TSKU: variants seen among roughly 807,000 people sequenced by gnomAD.
TSKU encodes tsukushi, small leucine rich proteoglycan, also known as tsukushi.
A neutral mutation model predicts 11.2 loss-of-function variants in TSKU; 4 were observed. That is an observed-to-expected ratio of 0.36 (90% CI 0.18 to 0.82). The LOEUF is 0.82. Among genes scored for constraint, TSKU ranks in the 40% least tolerant of loss-of-function variants. TSKU has a pLI of 0.50. For synonymous variants in TSKU, 220 were observed against 232.2 expected (o/e 0.95, Z 0.48); for missense variants, 407 against 482.5 (o/e 0.84, Z 1.47).
At chr11:76,793,948 C>T (rs535178880) in intron 1 of TSKU, among the ~76,000 whole-genome samples, 2 of 152,238 alleles carry the variant, frequency 1.3e-5, no homozygotes, top group African/African-American at 4.8e-5. Context: ...CTGCTGCTCC[C>T]TCCCACCCAC....
chr11:76,795,752 G>T lies in TSKU; in HGVS notation c.136G>T (p.Gly46Cys). The change falls in exon 2 of 2, where the codon GGC (glycine) becomes TGC (cysteine). Residue 46 changes from glycine (G) to cysteine (C), a missense_variant. Gly to Cys is a radical substitution (Grantham distance 159). Transcript: ENST00000333090. ...SFSLTRVDCS[G>C]LGPHIMPVPI... ...CAGCCTGACTCGGGTGGATTGTAGC[G>T]GCCTGGGCCCCCACATCATGCCGGT... 6.2e-7 allele frequency: 1 copy of T among 1,614,160 alleles called. No homozygotes were observed. The highest frequency in any genetic ancestry group is 8.5e-7 in the Non-Finnish European group (1 of 1,180,042).
At position 76,797,269 on chromosome 11, in the gene TSKU, T is replaced by G. The variant is rs1403577931; in HGVS notation, c.*591T>G. 2 of 167,146 alleles carry G rather than the reference T, an allele frequency of 1.2e-5. No homozygotes were observed. The highest frequency in any genetic ancestry group is 4.8e-5 in the African/African-American group (2 of 41,446). 10.4% of individuals were successfully genotyped at this position (167,146 alleles called of 1,614,324 possible). A position where few individuals can be genotyped will look rare whatever the true frequency, so the allele number is the denominator to read the frequency against. ...GCCTTGAGAAGGAAAAAGGCTAATC[T>G]AAGTTCCTGCGGGCAGTGGCATGAC... On this transcript the variant is annotated 3_prime_UTR_variant, in exon 2 of 2. Transcript: ENST00000333090.
chr11:76,790,676 G>A (rs181727857), intron 1 of TSKU, among the ~76,000 whole-genome samples: 188 of 152,202 alleles, frequency 1.2e-3, no homozygotes, highest in African/African-American at 4.3e-3. Context: ...TTTGCCCTCC[G>A]CCATGATTGT....
chr11:76,783,905 C>G (rs925446531), intron 1 of TSKU, among the ~76,000 whole-genome samples: 1 of 151,902 alleles, frequency 6.6e-6, no homozygotes, highest in Non-Finnish European at 1.5e-5. Flanking sequence ...CGCCGCCCCA[C>G]CCCCCCGCTC....
At chr11:76,785,211 C>T (rs1249043681) in intron 1 of TSKU, among the ~76,000 whole-genome samples, 1 of 152,174 alleles carries the variant, frequency 6.6e-6, no homozygotes, top group Non-Finnish European at 1.5e-5. Flanking sequence ...GGGGATTGAC[C>T]TTTTCTCCTC....
chr11:76,796,208 G>A lies in TSKU; in HGVS notation c.592G>A (p.Ala198Thr). 6.2e-7 allele frequency: 1 copy of A among 1,613,602 alleles called. No individual in the cohort carries two copies. Among genetic ancestry groups the A allele is most frequent in the Non-Finnish European group, 8.5e-7 (1 of 1,179,998 alleles). Reference sequence around the variant, plus strand: ...GAACCTGGCCTGGAACCGGCTCCATGCCGTGCCCAACCTCCGAGACTTGCC... The same window carrying A: ...GAACCTGGCCTGGAACCGGCTCCATACCGTGCCCAACCTCCGAGACTTGCC... The part of the protein sequence containing the change: ...SLNLAWNRLH[A>T]VPNLRDLPLR... The change falls in exon 2 of 2, where the codon GCC becomes ACC. Residue 198 changes from alanine to threonine, a missense_variant. Coordinates refer to ENST00000333090, the MANE Select transcript of TSKU (RefSeq NM_015516.4). This position sits in a 1 kb window ranked among gnomAD's most constrained non-coding sequence, Gnocchi z 4.1.
chr11:76,789,876 G>T (rs1944348686), intron 1 of TSKU, among the ~76,000 whole-genome samples: 1 of 152,086 alleles, frequency 6.6e-6, no homozygotes, highest in Non-Finnish European at 1.5e-5. Context: ...AACAGGGAAG[G>T]TCACACAGAT....
chr11:76,786,735 C>G (rs1944316278), intron 1 of TSKU, among the ~76,000 whole-genome samples: 1 of 152,186 alleles, frequency 6.6e-6, no homozygotes, highest in Admixed American at 6.5e-5. Context: ...GAATTTGATG[C>G]TGAGCCCTCA....
chr11:76,790,705 G>A (rs953340546), intron 1 of TSKU, among the ~76,000 whole-genome samples: 2 of 152,142 alleles, frequency 1.3e-5, no homozygotes, highest in Non-Finnish European at 2.9e-5. Context: ...CCCCGGCCAC[G>A]TGGAATTGTT....
chr11:76,796,144 C>T lies in TSKU; in HGVS notation c.528C>T (p.Pro176=), dbSNP rs1358772274. The T allele has an allele frequency of 1.2e-6, 2 of 1,613,778 alleles. No homozygotes were observed. Among genetic ancestry groups the T allele is most frequent in the African/African-American group, 1.3e-5 (1 of 75,062 alleles). ...HNLIHRLVPH[P]TRAGLPAPTI... ...TCATTCACCGCCTCGTGCCCCACCC[C>T]ACGAGGGCCGGCCTGCCTGCGCCCA... The change falls in exon 2 of 2, where the codon CCC becomes CCT. Residue 176 remains proline (P), a synonymous_variant. Coordinates refer to ENST00000333090, the MANE Select transcript of TSKU (RefSeq NM_015516.4). This position sits in a 1 kb window ranked among gnomAD's most constrained non-coding sequence, Gnocchi z 4.1.
At chr11:76,790,510 G>A (rs1350479600) in intron 1 of TSKU, among the ~76,000 whole-genome samples, 7 of 143,482 alleles carry the variant, frequency 4.9e-5, no homozygotes, top group African/African-American at 1.9e-4. Flanking sequence ...CATGACTTCT[G>A]ATATGGTTTG....
intron 1 of TSKU, among the ~76,000 whole-genome samples, chr11:76,790,146 C>T (rs1944351469): frequency 6.6e-6 from 1 of 151,492 alleles, no homozygotes; most frequent in Non-Finnish European, 1.5e-5. Flanking sequence ...GTTGGATTAT[C>T]TAAACTGAAC....
chr11:76,792,807 C>T (rs1395563470), intron 1 of TSKU: 1 of 153,874 alleles, frequency 6.5e-6, no homozygotes, highest in South Asian at 2.1e-4. Flanking sequence ...GTAAATTGCC[C>T]AGTCTTAGGT....
intron 1 of TSKU, among the ~76,000 whole-genome samples, chr11:76,791,586 C>A (rs1255536566): frequency 6.6e-6 from 1 of 152,254 alleles, no homozygotes; most frequent in Non-Finnish European, 1.5e-5. Flanking sequence ...TCAGAGGGTG[C>A]AAGCCCCAAG....
upstream of TSKU, chr11:76,782,284 G>A (rs1944242307): frequency 1.3e-5 from 2 of 149,066 alleles, no homozygotes; most frequent in Admixed American, 1.3e-4. Context: ...GACTGGGTGT[G>A]TTAACAAGTC....
chr11:76,785,923 G>T (rs1590816076), intron 1 of TSKU, among the ~76,000 whole-genome samples: 3 of 152,144 alleles, frequency 2.0e-5, no homozygotes. Flanking sequence ...TAAAATGTGA[G>T]GATACTAATT....
At chr11:76,793,267 T>G (rs1011727285) in intron 1 of TSKU, among the ~76,000 whole-genome samples, 5 of 152,258 alleles carry the variant, frequency 3.3e-5, no homozygotes, top group Non-Finnish European at 7.3e-5. Flanking sequence ...TTCTGGCTGC[T>G]GGGTGATGAC....
At chr11:76,789,480 G>A (rs933033781) in intron 1 of TSKU, among the ~76,000 whole-genome samples, 3 of 152,204 alleles carry the variant, frequency 2.0e-5, no homozygotes, top group South Asian at 2.1e-4. Context: ...TGTTGGGGCC[G>A]TACCATTTAC....
At chr11:76,784,065 G>C (rs1944277159) in intron 1 of TSKU, 1 of 152,444 alleles carries the variant, frequency 6.6e-6, no homozygotes, top group African/African-American at 2.4e-5. Context: ...GCAAGGGGCT[G>C]CGACGGGATT....
Sources: allele counts gnomAD v4.1 joint callset (sites outside exome capture counted in the v4.1 genomes callset), GRCh38; gene constraint gnomAD v4.1.1; non-coding constraint Gnocchi (gnomAD v3.1); transcripts MANE v1.5; gene names NCBI Gene and HGNC (gene_info 2026-07-23, HGNC 2026-07-21).